Variants in MYO1D observed in about 807,000 individuals in gnomAD.
MYO1D encodes myosin ID.
A neutral mutation model predicts 122.0 loss-of-function variants in MYO1D; 83 were observed. The observed-to-expected ratio is 0.68, with a 90% confidence interval of 0.57 to 0.82. MYO1D has a LOEUF of 0.82. Among genes scored for constraint, MYO1D ranks in the 40% least tolerant of loss-of-function variants. The pLI, the probability that MYO1D is intolerant of heterozygous loss-of-function variation, is 0.00. For missense variants in MYO1D, 1,157 were observed against 1,269.5 expected, an observed-to-expected ratio of 0.91 and a Z score of 1.35; for synonymous variants, 464 against 446.9, an observed-to-expected ratio of 1.04 and a Z score of -0.48.
chr17:32,497,001 C>T (rs1276165273), intron 21 of MYO1D: 1 of 152,416 alleles, frequency 6.6e-6, no homozygotes, highest in African/African-American at 2.4e-5. Flanking sequence ...GTGCAGGGCT[C>T]TCCTGACTCC....
chr17:32,641,121 T>C (rs2088194068), intron 19 of MYO1D, among the ~76,000 whole-genome samples: 1 of 128,880 alleles, frequency 7.8e-6, no homozygotes, highest in African/African-American at 2.9e-5. Flanking sequence ...GTGTGTGATG[T>C]TCCCCTTCCT....
rs191821981 is a variant in MYO1D, at chr17:32,502,045, G to A, written c.2865-7130C>T. Among the ~76,000 whole-genome samples the A allele has an allele frequency of 4.8e-3, 733 of 152,302 alleles. 4 individuals carry two copies. The highest frequency in any genetic ancestry group is 6.6e-3 in the Non-Finnish European group (450 of 68,030). The stretch of plus-strand genomic sequence containing the variant: ...TGGTGACCACTGGTAGGTGTGTGGC[G>A]AAAACCTCCATACCTTTGGTCACAG... On this transcript the variant is annotated intron_variant, in intron 21 of 21. Transcript: ENST00000318217.
chr17:32,686,079 C>G (rs2089001497), intron 16 of MYO1D, among the ~76,000 whole-genome samples: 1 of 152,038 alleles, frequency 6.6e-6, no homozygotes, highest in Admixed American at 6.6e-5. Context: ...ACGTTACCAG[C>G]TTTAAGTTAT....
intron 16 of MYO1D, among the ~76,000 whole-genome samples, chr17:32,694,468 G>A (rs905211828): frequency 6.6e-6 from 1 of 152,008 alleles, no homozygotes; most frequent in East Asian, 1.9e-4. Flanking sequence ...TTGGGAGGTC[G>A]AGGCGGGTGG....
intron 20 of MYO1D, among the ~76,000 whole-genome samples, chr17:32,629,513 T>TCATG (rs1292223813): frequency 6.6e-6 from 1 of 151,894 alleles, no homozygotes; most frequent in Non-Finnish European, 1.5e-5. Flanking sequence ...GGCAGGTGGG[T>TCATG]CATGAGGTCA....
chr17:32,682,347 C>T (rs1345099398), intron 16 of MYO1D, among the ~76,000 whole-genome samples: 2 of 150,228 alleles, frequency 1.3e-5, no homozygotes, highest in Non-Finnish European at 3.0e-5. Context: ...TTCCTAGTCT[C>T]GATGGTCTTT....
intron 16 of MYO1D, among the ~76,000 whole-genome samples, chr17:32,707,377 T>C (rs1327565859): frequency 1.3e-5 from 2 of 152,098 alleles, no homozygotes; most frequent in African/African-American, 2.4e-5. Flanking sequence ...GCCACTGTGG[T>C]CAAAAATTTA....
At position 32,876,776 on chromosome 17, in the gene MYO1D, A is replaced by C; in HGVS notation, c.95+2T>G. ...CCCTGCGCGCGGCCGCTCCGCCCTC[A>C]CCTGAGCCTGAGGTTGGCCATGAAC... On this transcript the variant is annotated splice_donor_variant, in intron 1 of 21. Coordinates refer to ENST00000318217, the MANE Select transcript of MYO1D (RefSeq NM_015194.3). LOFTEE classifies it high-confidence loss of function. The C allele has an allele frequency of 2.0e-6, 3 of 1,506,846 alleles. No homozygotes were observed. The highest frequency in any genetic ancestry group is 2.7e-6 in the Non-Finnish European group (3 of 1,127,344). The allele number at this position is 1,506,846 out of a possible 1,614,324, so 93.3% of individuals were successfully genotyped here.
intron 1 of MYO1D, among the ~76,000 whole-genome samples, chr17:32,816,288 G>A (rs1043351202): frequency 6.6e-5 from 10 of 152,180 alleles, no homozygotes; most frequent in African/African-American, 2.4e-4. Context: ...AGAGGTCACA[G>A]TGCTAACACT....
intron 20 of MYO1D, among the ~76,000 whole-genome samples, chr17:32,637,729 A>T (rs935375544): frequency 6.6e-6 from 1 of 152,076 alleles, no homozygotes; most frequent in Admixed American, 6.6e-5. Flanking sequence ...GTTGCAATCT[A>T]TTGGCCTTTC....
rs114015163 is a variant in MYO1D at position 32,820,417 on chromosome 17, C to T, written c.96-39633G>A. Among the ~76,000 whole-genome samples, 420 of 152,248 alleles carry T rather than the reference C, an allele frequency of 2.8e-3. 4 individuals are homozygous for T. The highest frequency in any genetic ancestry group is 8.7e-3 in the African/African-American group (363 of 41,548). On this transcript the variant is annotated intron_variant, in intron 1 of 21. Coordinates refer to ENST00000318217, the MANE Select transcript of MYO1D (RefSeq NM_015194.3). Reference sequence around the variant, plus strand: ...AAAGAAAATGTGATATACACACATACACAGAAAATGGAATACTATTCAGTT... The same window carrying T: ...AAAGAAAATGTGATATACACACATATACAGAAAATGGAATACTATTCAGTT...
rs533932980 is a variant in MYO1D at position 32,793,285 on chromosome 17, C to T, written c.96-12501G>A. ...AGACAATGCTATGCAGTAAGCACAA[C>T]GATAGAGGGTTTAAAAACTAGGCTT... is the stretch of plus-strand genomic sequence containing the variant. On this transcript the variant is annotated intron_variant, in intron 1 of 21. Coordinates refer to ENST00000318217, the MANE Select transcript of MYO1D (RefSeq NM_015194.3). Among the ~76,000 whole-genome samples, 417 of 149,428 alleles carry T rather than the reference C, an allele frequency of 2.8e-3. 3 individuals carry two copies. The highest frequency in any genetic ancestry group is 5.3e-3 in the Non-Finnish European group (360 of 67,672).
At chr17:32,665,807 C>A (rs1223420049) in intron 16 of MYO1D, among the ~76,000 whole-genome samples, 4 of 152,178 alleles carry the variant, frequency 2.6e-5, no homozygotes, top group Non-Finnish European at 5.9e-5. Context: ...GGGAACTTCA[C>A]TACAGGGTGA....
intron 19 of MYO1D, among the ~76,000 whole-genome samples, chr17:32,650,591 TTCTC>T (rs1161035506): frequency 1.3e-5 from 2 of 152,346 alleles, no homozygotes; most frequent in South Asian, 2.1e-4. Flanking sequence ...CCTTTTATTT[TTCTC>T]TCTGTGTTTA....
intron 6 of MYO1D, among the ~76,000 whole-genome samples, chr17:32,769,610 T>TTA (rs879531438): frequency 2.6e-5 from 4 of 152,026 alleles, no homozygotes; most frequent in Admixed American, 1.3e-4. Context: ...CATGGAAAGA[T>TTA]TATAATAAAA....
intron 12 of MYO1D, among the ~76,000 whole-genome samples, chr17:32,746,640 T>C (rs2089841172): frequency 6.6e-6 from 1 of 152,214 alleles, no homozygotes. Flanking sequence ...GTATGTATCT[T>C]ACATGGCAGC....
chr17:32,728,679 G>A (rs537584641), intron 14 of MYO1D, among the ~76,000 whole-genome samples: 1 of 152,174 alleles, frequency 6.6e-6, no homozygotes, highest in South Asian at 2.1e-4. Flanking sequence ...AAATACTTCT[G>A]AACAACTAAA....
At chr17:32,632,584 T>TACACACAC (rs1417753749) in intron 20 of MYO1D, 1 of 98,600 alleles carries the variant, frequency 1.0e-5, no homozygotes, top group African/African-American at 5.4e-5. Context: ...TATATATATA[T>TACACACAC]ATACACACAC....
chr17:32,817,272 T>C (rs1033663407), intron 1 of MYO1D, among the ~76,000 whole-genome samples: 4 of 152,190 alleles, frequency 2.6e-5, no homozygotes, highest in Non-Finnish European at 5.9e-5. Context: ...ACAAATTTTA[T>C]GCATTTCTAA....
Sources: gnomAD v4.1 joint callset for allele counts (sites outside exome capture counted in the v4.1 genomes callset) on GRCh38, gnomAD v4.1.1 for gene constraint, MANE v1.5 for transcripts, NCBI Gene and HGNC (gene_info 2026-07-23, HGNC 2026-07-21) for gene names.